FOXO1: variants seen among roughly 807,000 people sequenced by gnomAD.
The protein encoded by FOXO1 is forkhead box protein O1.
A neutral mutation model predicts 44.1 loss-of-function variants in FOXO1; 6 were observed. That is an observed-to-expected ratio of 0.14 (90% CI 0.07 to 0.27). The LOEUF (loss-of-function observed/expected upper bound fraction) is 0.27, where lower values mean the gene tolerates loss of function less well. FOXO1 is among the 10% of genes least tolerant of loss of function. The probability of loss-of-function intolerance (pLI) is 1.00; values close to 1 mark genes in which losing one functional copy is unlikely to be tolerated. For missense variants in FOXO1, 737 were observed against 888.8 expected, an observed-to-expected ratio of 0.83 and a Z score of 2.17; for synonymous variants, 380 against 362.7, an observed-to-expected ratio of 1.05 and a Z score of -0.54.
chr13:40,665,506 C>T lies in FOXO1; in HGVS notation c.630+77G>A. On this transcript the variant is annotated intron_variant, in intron 1 of 2. Transcript: ENST00000379561. The stretch of plus-strand genomic sequence containing the variant: ...GCCCTCCTGCTCCGCACCTTCAGGC[C>T]GAGCAAACCTGCACAGCTGCGCCCT... 3 of 1,211,804 alleles carry T rather than the reference C, an allele frequency of 2.5e-6. No individual in the cohort carries two copies. The South Asian group carries it at 9.2e-5, about 37-fold the overall frequency. The allele number at this position is 1,211,804 out of a possible 1,614,324, so 75.1% of individuals were successfully genotyped here. A position where few individuals can be genotyped will look rare whatever the true frequency, so the allele number is the denominator to read the frequency against.
chr13:40,579,311 C>T (rs185674570), intron 1 of FOXO1, among the ~76,000 whole-genome samples: 2 of 152,272 alleles, frequency 1.3e-5, no homozygotes, highest in Admixed American at 6.5e-5. Flanking sequence ...TTGAACCATG[C>T]CTTACTCTTT....
rs545205552 is a variant in FOXO1 at position 40,654,761 on chromosome 13, C to T, written c.630+10822G>A. Among the ~76,000 whole-genome samples the T allele has an allele frequency of 7.9e-5, 12 of 151,968 alleles. No homozygotes were observed. The South Asian group carries it at 1.9e-3, about 24-fold the overall frequency. On this transcript the variant is annotated intron_variant, in intron 1 of 2. Coordinates refer to ENST00000379561, the MANE Select transcript of FOXO1 (RefSeq NM_002015.4). Reference sequence around the variant, plus strand: ...TGCTGCAGTGTAGACCAAGGGGCCACGACACTTTAGAGGTGGTACTGGCCT... The same window carrying T: ...TGCTGCAGTGTAGACCAAGGGGCCATGACACTTTAGAGGTGGTACTGGCCT...
In FOXO1 at chr13:40,666,602, G is replaced by C. The variant is rs1476482325; in HGVS notation, c.-390C>G. On this transcript the variant is annotated 5_prime_UTR_variant, in exon 1 of 3. Coordinates refer to ENST00000379561, the MANE Select transcript of FOXO1 (RefSeq NM_002015.4). ...CCTGTTGAATGTGGCGGCTGCGGCA[G>C]CGGCTGCTGCGACTACCAGGCCGCC... 3 of 196,412 alleles carry C rather than the reference G, an allele frequency of 1.5e-5. No homozygotes were observed. The highest frequency in any genetic ancestry group is 6.9e-5 in the African/African-American group (3 of 43,220). 12.2% of individuals were successfully genotyped at this position (196,412 alleles called of 1,614,324 possible). A position where few individuals can be genotyped will look rare whatever the true frequency, so the allele number is the denominator to read the frequency against.
Position 40,559,452 on chromosome 13 carries a change from T to G in FOXO1, c.*14+57A>C, listed in dbSNP as rs555894254. ...GTGCTAACCATGGCAAGTTACTGTG[T>G]TCCTCGCTTTTAAGTTCTATTTTTC... is the stretch of plus-strand genomic sequence containing the variant. On this transcript the variant is annotated intron_variant, in intron 2 of 2. Transcript: ENST00000379561. 6.1e-6 allele frequency: 9 copies of G among 1,470,534 alleles called. No individual in the cohort carries two copies. In the South Asian group the frequency reaches 1.2e-4, roughly 20 times the overall value. 91.1% of individuals were successfully genotyped at this position (1,470,534 alleles called of 1,614,324 possible). A position where few individuals can be genotyped will look rare whatever the true frequency, so the allele number is the denominator to read the frequency against.
At chr13:40,624,955 A>G (rs1876737787) in intron 1 of FOXO1, among the ~76,000 whole-genome samples, 1 of 152,258 alleles carries the variant, frequency 6.6e-6, no homozygotes, top group Non-Finnish European at 1.5e-5. Context: ...AACCAATCAT[A>G]AAACATGGTT....
At chr13:40,641,195 G>A (rs1186280523) in intron 1 of FOXO1, among the ~76,000 whole-genome samples, 1 of 152,138 alleles carries the variant, frequency 6.6e-6, no homozygotes, top group African/African-American at 2.4e-5. Flanking sequence ...TGTAGGGGGT[G>A]ACAGAGCCAA....
chr13:40,607,179 T>G (rs918446160), intron 1 of FOXO1, among the ~76,000 whole-genome samples: 2 of 152,198 alleles, frequency 1.3e-5, no homozygotes, highest in Non-Finnish European at 2.9e-5. Flanking sequence ...GGGCCTCTGG[T>G]ACAGAAGGCA....
chr13:40,619,356 A>T (rs1024632845), intron 1 of FOXO1: 19 of 604,358 alleles, frequency 3.1e-5, no homozygotes, highest in Non-Finnish European at 4.8e-5. Context: ...TCCCCAGAGA[A>T]AGTTCAAATG....
rs1555252079 is a variant in FOXO1 at position 40,628,389 on chromosome 13, A to ACACACC, written c.630+37193_630+37194insGGTGTG. On this transcript the variant is annotated intron_variant, in intron 1 of 2. Coordinates refer to ENST00000379561, the MANE Select transcript of FOXO1 (RefSeq NM_002015.4). ...CACACACACACACACACACACACACACCCCGTGAGGGTTTCAGTCTTCCCG... is the reference window on the plus strand; with the variant it reads ...CACACACACACACACACACACACACACACACCCCCCGTGAGGGTTTCAGTCTTCCCG... 6.0e-5 allele frequency among the ~76,000 whole-genome samples: 9 copies of ACACACC among 148,806 alleles called. No individual in the cohort carries two copies. The East Asian group carries it at 9.8e-4, about 16-fold the overall frequency.
At chr13:40,621,273 C>CGAT (rs1328828776) in intron 1 of FOXO1, 9 of 801,736 alleles carry the variant, frequency 1.1e-5, no homozygotes, top group Non-Finnish European at 1.7e-5. Context: ...TTGTACTGAC[C>CGAT]GATGGCTCTC....
chr13:40,656,757 T>C (rs1397437931), intron 1 of FOXO1, among the ~76,000 whole-genome samples: 1 of 152,250 alleles, frequency 6.6e-6, no homozygotes, highest in Admixed American at 6.5e-5. Flanking sequence ...TAACACAGCA[T>C]TATTTTCATA....
chr13:40,607,554 C>T (rs1202692134), intron 1 of FOXO1, among the ~76,000 whole-genome samples: 2 of 152,126 alleles, frequency 1.3e-5, no homozygotes, highest in African/African-American at 4.8e-5. Flanking sequence ...ATAAAGTTAT[C>T]AGGGAGCTTA....
intron 1 of FOXO1, among the ~76,000 whole-genome samples, chr13:40,595,916 G>T (rs137907618): frequency 5.8e-4 from 88 of 151,318 alleles, no homozygotes; most frequent in Non-Finnish European, 1.1e-3. Flanking sequence ...GTTAGTCGTA[G>T]GCCCTGTAGA....
At chr13:40,592,627 T>C (rs922028446) in intron 1 of FOXO1, among the ~76,000 whole-genome samples, 2 of 152,232 alleles carry the variant, frequency 1.3e-5, no homozygotes, top group Non-Finnish European at 2.9e-5. Context: ...GAATGTAAGC[T>C]CCTGAAGATC....
chr13:40,659,676 G>A (rs1375617248), intron 1 of FOXO1, among the ~76,000 whole-genome samples: 2 of 151,436 alleles, frequency 1.3e-5, no homozygotes, highest in African/African-American at 2.4e-5. Context: ...TACAAAAATG[G>A]ATGAAAGAAA....
At chr13:40,606,075 T>C (rs1875986018) in intron 1 of FOXO1, among the ~76,000 whole-genome samples, 1 of 152,184 alleles carries the variant, frequency 6.6e-6, no homozygotes, top group African/African-American at 2.4e-5. Flanking sequence ...TTTTTCCAAA[T>C]GTTATCTAGC....
intron 1 of FOXO1, among the ~76,000 whole-genome samples, chr13:40,637,294 A>C (rs1019140589): frequency 2.0e-5 from 3 of 151,992 alleles, no homozygotes; most frequent in African/African-American, 7.3e-5. Flanking sequence ...AATACAAAAA[A>C]TTAGCCGGGC....
chr13:40,559,376 GA>G, intron 2 of FOXO1, 132 bp downstream of exon 2: 1 of 774,372 alleles, frequency 1.3e-6, no homozygotes, highest in Non-Finnish European at 2.0e-6. Flanking sequence ...GACAGAGAAT[GA>G]ATGATAAAAG....
At position 40,641,017 on chromosome 13, in the gene FOXO1, C is replaced by CA. The variant is rs1877332925; in HGVS notation, c.630+24565dup. Among the ~76,000 whole-genome samples the CA allele has an allele frequency of 2.0e-5, 3 of 152,178 alleles. 1 individual carries two copies. In the South Asian group the frequency reaches 6.2e-4, roughly 32 times the overall value. Reference sequence around the variant, plus strand: ...CAGGCTGGTCTCAAACTCTTGACCTCAAGTGATCCACCCGCCTTGGCCCTC... The same window carrying CA: ...CAGGCTGGTCTCAAACTCTTGACCTCAAAGTGATCCACCCGCCTTGGCCCTC... On this transcript the variant is annotated intron_variant, in intron 1 of 2. Coordinates refer to ENST00000379561, the MANE Select transcript of FOXO1 (RefSeq NM_002015.4).
Sources: allele counts gnomAD v4.1 joint callset (sites outside exome capture counted in the v4.1 genomes callset), GRCh38; gene constraint gnomAD v4.1.1; transcripts MANE v1.5; gene names NCBI Gene and HGNC (gene_info 2026-07-23, HGNC 2026-07-21).